Variants in B3GALT1 observed in about 807,000 individuals in gnomAD.
B3GALT1 encodes beta-1,3-galactosyltransferase 1, also known as UDP-Gal:betaGlcNAc beta 1,3-galactosyltransferase, polypeptide 1.
A neutral mutation model predicts 23.2 loss-of-function variants in B3GALT1; 10 were observed. That is an observed-to-expected ratio of 0.43 (90% confidence interval 0.27 to 0.73). The LOEUF (loss-of-function observed/expected upper bound fraction) is 0.73, where lower values mean the gene tolerates loss of function less well. Among genes scored for constraint, B3GALT1 ranks in the 30% least tolerant of loss-of-function variants. B3GALT1 has a pLI of 0.21. For synonymous variants in B3GALT1, 156 were observed against 141.5 expected, an observed-to-expected ratio of 1.10 and a Z score of -0.73; for missense variants, 299 against 405.4, an observed-to-expected ratio of 0.74 and a Z score of 2.25.
At chr2:167,323,106 T>TGAAA (rs1696838637) in intron 1 of B3GALT1, among the ~76,000 whole-genome samples, 2 of 151,814 alleles carry the variant, frequency 1.3e-5, no homozygotes, top group African/African-American at 4.8e-5. Context: ...TTATGATTGC[T>TGAAA]CATTCGTTGC....
At chr2:167,304,827 T>A (rs1050532641) in intron 1 of B3GALT1, among the ~76,000 whole-genome samples, 3 of 152,128 alleles carry the variant, frequency 2.0e-5, no homozygotes, top group African/African-American at 7.2e-5. Context: ...TAGTATTCAG[T>A]CTGAGTCTGA....
chr2:167,404,914 A>G (rs1209714175), intron 1 of B3GALT1, among the ~76,000 whole-genome samples: 1 of 152,184 alleles, frequency 6.6e-6, no homozygotes. Context: ...CTTTCAAACC[A>G]TGTGTGTTAC....
At chr2:167,668,944 T>G (rs1237306814) in intron 3 of B3GALT1, among the ~76,000 whole-genome samples, 1 of 152,230 alleles carries the variant, frequency 6.6e-6, no homozygotes, top group African/African-American at 2.4e-5. Context: ...AGACTGGAGC[T>G]GTTCCTATTT....
rs553957420 is a variant in B3GALT1 at position 167,570,968 on chromosome 2, C to T, written c.-409-75941C>T. Among the ~76,000 whole-genome samples the T allele has an allele frequency of 4.5e-4, 68 of 151,992 alleles. 1 individual carries two copies. In the Middle Eastern group the frequency reaches 0.01, roughly 23 times the overall value. On this transcript the variant is annotated intron_variant, in intron 2 of 4. Coordinates refer to ENST00000392690, the MANE Select transcript of B3GALT1 (RefSeq NM_020981.4). ...TTTAGTTTCGCAAGTATAGACTTTT[C>T]GATTCTCATACATAATAACATCCTC...
chr2:167,644,737 A>G (rs1298772356), intron 2 of B3GALT1, among the ~76,000 whole-genome samples: 1 of 143,154 alleles, frequency 7.0e-6, no homozygotes. Context: ...CCAAGATCGC[A>G]CCACTGCACT....
At chr2:167,781,677 T>G (rs1688246818) in intron 3 of B3GALT1, among the ~76,000 whole-genome samples, 1 of 152,222 alleles carries the variant, frequency 6.6e-6, no homozygotes, top group Non-Finnish European at 1.5e-5. Context: ...ATGGTCAGTG[T>G]CTTCCAGCCT....
At position 167,539,394 on chromosome 2, in the gene B3GALT1, A is replaced by G. The variant is rs181653331; in HGVS notation, c.-410+49117A>G. Among the ~76,000 whole-genome samples the G allele has an allele frequency of 6.0e-4, 91 of 152,312 alleles. 1 individual carries two copies. Among genetic ancestry groups the G allele is most frequent in the African/African-American group, 2.1e-3 (86 of 41,590 alleles). ...TACCTGTAATTTCTCCGAGTGGTAAAGTTATATACATCTAGCAAAGGTGAG... is the reference window on the plus strand; with the variant it reads ...TACCTGTAATTTCTCCGAGTGGTAAGGTTATATACATCTAGCAAAGGTGAG... On this transcript the variant is annotated intron_variant, in intron 2 of 4. Transcript: ENST00000392690.
chr2:167,835,462 T>G (rs889166859), intron 4 of B3GALT1, among the ~76,000 whole-genome samples: 1 of 144,290 alleles, frequency 6.9e-6, no homozygotes, highest in African/African-American at 2.6e-5. Flanking sequence ...AACTGCAAAG[T>G]GGCAGCGAGG....
At chr2:167,441,177 A>C (rs1401899283) in intron 1 of B3GALT1, among the ~76,000 whole-genome samples, 1 of 152,172 alleles carries the variant, frequency 6.6e-6, no homozygotes, top group Non-Finnish European at 1.5e-5. Flanking sequence ...TTCACATTCA[A>C]GGTTCATGAA....
At chr2:167,853,473 A>G (rs2105419945) in intron 4 of B3GALT1, among the ~76,000 whole-genome samples, 1 of 152,272 alleles carries the variant, frequency 6.6e-6, no homozygotes, top group African/African-American at 2.4e-5. Flanking sequence ...GGTACCATTC[A>G]TGATTCCTTA....
intron 2 of B3GALT1, among the ~76,000 whole-genome samples, chr2:167,618,005 T>G (rs908918533): frequency 6.6e-6 from 1 of 152,090 alleles, no homozygotes; most frequent in Admixed American, 6.6e-5. Context: ...TTCTCTTACT[T>G]TAGTTCTTGT....
chr2:167,309,230 A>G (rs10193480), intron 1 of B3GALT1, among the ~76,000 whole-genome samples: 1 of 151,786 alleles, frequency 6.6e-6, no homozygotes, highest in Non-Finnish European at 1.5e-5. Flanking sequence ...GGCATTAATC[A>G]TTATTCCTCA....
At chr2:167,826,231 T>C (rs1381616491) in intron 4 of B3GALT1, among the ~76,000 whole-genome samples, 1 of 152,162 alleles carries the variant, frequency 6.6e-6, no homozygotes, top group Non-Finnish European at 1.5e-5. Context: ...CTCAGTCCTC[T>C]CTACCACTCC....
chr2:167,493,044 A>G (rs1699732932), intron 2 of B3GALT1, among the ~76,000 whole-genome samples: 1 of 152,200 alleles, frequency 6.6e-6, no homozygotes, highest in Admixed American at 6.5e-5. Context: ...TGATATTAAA[A>G]TAGGCCATGT....
intron 1 of B3GALT1, among the ~76,000 whole-genome samples, chr2:167,384,325 G>C (rs147544804): frequency 2.8e-3 from 430 of 152,258 alleles, no homozygotes; most frequent in African/African-American, 9.7e-3. Flanking sequence ...ATGCATGCCA[G>C]ATAAACCTTG....
chr2:167,865,491 C>G (rs1690193211), intron 4 of B3GALT1, among the ~76,000 whole-genome samples: 1 of 151,878 alleles, frequency 6.6e-6, no homozygotes, highest in South Asian at 2.1e-4. Context: ...AATGAGTGAA[C>G]TGCTATTGAA....
At chr2:167,687,340 A>G in intron 3 of B3GALT1, among the ~76,000 whole-genome samples, 1 of 152,222 alleles carries the variant, frequency 6.6e-6, no homozygotes, top group East Asian at 1.9e-4. Flanking sequence ...TCTCTAATTT[A>G]ACAGCGAACA....
chr2:167,743,488 A>G (rs1032356510), intron 3 of B3GALT1, among the ~76,000 whole-genome samples: 2 of 151,944 alleles, frequency 1.3e-5, no homozygotes, highest in South Asian at 2.1e-4. Flanking sequence ...TTAAAAATAT[A>G]TTTGTGTGCT....
intron 2 of B3GALT1, among the ~76,000 whole-genome samples, chr2:167,565,442 C>T (rs371947312): frequency 2.0e-5 from 3 of 152,164 alleles, no homozygotes; most frequent in Non-Finnish European, 2.9e-5. Flanking sequence ...AGGACATAGG[C>T]AAGGGCAAGA....
Sources: allele counts gnomAD v4.1 joint callset (sites outside exome capture counted in the v4.1 genomes callset), GRCh38; gene constraint gnomAD v4.1.1; transcripts MANE v1.5; gene names NCBI Gene and HGNC (gene_info 2026-07-23, HGNC 2026-07-21).